RADX: variants seen among roughly 807,000 people sequenced by gnomAD.
RADX encodes RPA1 related single stranded DNA binding protein, X-linked, also known as RPA-related protein RADX.
RADX carries 36 observed loss-of-function variants against 61.6 expected under a neutral mutation model. The ratio of observed to expected loss-of-function variants is 0.58; its 90% CI spans 0.45 to 0.77. The LOEUF (loss-of-function observed/expected upper bound fraction) is 0.77. RADX is among the 30% of genes least tolerant of loss of function. RADX has a pLI of 0.00. For missense variants in RADX, 497 were observed against 651.1 expected (o/e 0.76, Z 2.58); for synonymous variants, 272 against 237.9 (o/e 1.14, Z -1.32).
intron 2 of RADX, among the ~76,000 whole-genome samples, chrX:106,623,984 C>T (rs1004891390): frequency 2.0e-4 from 22 of 111,093 alleles, no homozygotes; most frequent in African/African-American, 6.2e-4. Context: ...TCCATCATTT[C>T]GCCCTTGCTT....
At chrX:106,656,916 T>C (rs1282212713) in intron 11 of RADX, among the ~76,000 whole-genome samples, 1 of 111,827 alleles carries the variant, frequency 8.9e-6, no homozygotes, top group East Asian at 2.8e-4. Flanking sequence ...AGCATTGGTT[T>C]CAACTTAAAG....
chrX:106,679,148 A>T lies in RADX; in HGVS notation c.*890A>T, dbSNP rs748388248. ...GGTTGACATCTGTGTGGTTTGTTAG[A>T]TGAGACAAAATGACCATTAAATGAG... On this transcript the variant is annotated 3_prime_UTR_variant, in exon 14 of 14. Coordinates refer to ENST00000372548, the MANE Select transcript of RADX (RefSeq NM_018015.6). 1.5e-4 allele frequency: 17 copies of T among 112,053 alleles called. No homozygotes were observed. Among genetic ancestry groups the T allele is most frequent in the Non-Finnish European group, 2.6e-4 (14 of 53,221 alleles). The allele number at this position is 112,053 out of a possible 1,213,427, so 9.2% of individuals were successfully genotyped here.
At chrX:106,636,469 T>C (rs1603044279) in intron 6 of RADX, 74 bp from the exon 7 acceptor site, 1 of 559,954 alleles carries the variant, frequency 1.8e-6, no homozygotes, top group East Asian at 3.5e-5. Context: ...TTGAGAAGCA[T>C]TGTGTTAGAT....
At chrX:106,647,278 A>G (rs943521049) in intron 10 of RADX, among the ~76,000 whole-genome samples, 6 of 111,243 alleles carry the variant, frequency 5.4e-5, no homozygotes, top group African/African-American at 2.0e-4. Flanking sequence ...TCCACTTAAC[A>G]CAATGATCTC....
chrX:106,661,745 A>G (rs941229615), intron 11 of RADX, among the ~76,000 whole-genome samples: 1 of 112,042 alleles, frequency 8.9e-6, no homozygotes, highest in African/African-American at 3.2e-5. Flanking sequence ...AGTAGAAAGA[A>G]CGTAATTACA....
At chrX:106,631,855 AAG>A (rs1927241204) in intron 3 of RADX, among the ~76,000 whole-genome samples, 1 of 110,760 alleles carries the variant, frequency 9.0e-6, no homozygotes, top group Non-Finnish European at 1.9e-5. Context: ...AAGAAAGAAA[AAG>A]AGAAAAGAAA....
At chrX:106,653,499 A>T (rs1483723901) in intron 11 of RADX, among the ~76,000 whole-genome samples, 3 of 98,977 alleles carry the variant, frequency 3.0e-5, no homozygotes, top group Non-Finnish European at 6.2e-5. Context: ...GCTTAATGGG[A>T]TTATGTTTTA....
chrX:106,654,899 T>A (rs777550865), intron 11 of RADX, among the ~76,000 whole-genome samples: 32 of 111,771 alleles, frequency 2.9e-4, no homozygotes, highest in African/African-American at 9.4e-4. Flanking sequence ...GATTATTTTT[T>A]AAAACATTCA....
At chrX:106,652,619 A>G (rs955501598) in intron 11 of RADX, among the ~76,000 whole-genome samples, 65 of 109,311 alleles carry the variant, frequency 5.9e-4, no homozygotes, top group African/African-American at 2.1e-3. Flanking sequence ...GGATTTTAAG[A>G]GCAGTTGGTG....
At chrX:106,675,472 G>A (rs965926717) in intron 13 of RADX, among the ~76,000 whole-genome samples, 6 of 112,424 alleles carry the variant, frequency 5.3e-5, no homozygotes, top group African/African-American at 1.9e-4. Flanking sequence ...GGCTTCTAGG[G>A]TCGTCAAGGC....
At chrX:106,614,389 A>G (rs753697091) in intron 1 of RADX, among the ~76,000 whole-genome samples, 14 of 111,904 alleles carry the variant, frequency 1.3e-4, no homozygotes, top group Admixed American at 4.7e-4. Context: ...CATAATTTCT[A>G]TAATCATGCC....
At chrX:106,674,324 T>TA (rs1391243175) in intron 13 of RADX, among the ~76,000 whole-genome samples, 1 of 111,780 alleles carries the variant, frequency 8.9e-6, no homozygotes, top group Non-Finnish European at 1.9e-5. Flanking sequence ...ATTGCTGGAT[T>TA]AAACGGTTAT....
In RADX at chrX:106,674,628, G is replaced by T. The variant is rs370060397; in HGVS notation, c.2438-3500G>T. On this transcript the variant is annotated intron_variant, in intron 13 of 13. Transcript: ENST00000372548. ...TCTTTGGAGAAATATCTACTCAAAT[G>T]CTTTGCCCATTTCTGAATTTGATTT... is the stretch of plus-strand genomic sequence containing the variant. Among the ~76,000 whole-genome samples the T allele has an allele frequency of 2.8e-4, 31 of 111,976 alleles. No homozygotes were observed. In the East Asian group the frequency reaches 7.6e-3, roughly 27 times the overall value.
chrX:106,644,544 C>CT (rs1927610207), intron 10 of RADX, among the ~76,000 whole-genome samples: 1 of 110,683 alleles, frequency 9.0e-6, no homozygotes. Flanking sequence ...GGTTTTGATC[C>CT]TTTTTTCTGT....
At chrX:106,664,217 GTT>G (rs370561264) in intron 12 of RADX, among the ~76,000 whole-genome samples, 9,631 of 99,975 alleles carry the variant, frequency 0.096, 1,147 homozygotes, top group African/African-American at 0.32. Context: ...AGGGAGAAGG[GTT>G]TTTTTTTTTT....
chrX:106,656,684 A>G (rs906877864), intron 11 of RADX, among the ~76,000 whole-genome samples: 2 of 111,945 alleles, frequency 1.8e-5, no homozygotes, highest in Non-Finnish European at 3.8e-5. Context: ...GCTCCTGGTC[A>G]TCAGAGCTCC....
intron 11 of RADX, among the ~76,000 whole-genome samples, chrX:106,658,604 G>T (rs1040649085): frequency 2.5e-4 from 28 of 111,977 alleles, no homozygotes; most frequent in African/African-American, 9.1e-4. Context: ...TATAAATATA[G>T]CATATTAATA....
intron 10 of RADX, 51 bp downstream of exon 10, chrX:106,640,772 A>G (rs969203827): frequency 3.5e-6 from 3 of 856,236 alleles, no homozygotes; most frequent in Non-Finnish European, 4.8e-6. Context: ...CTTTTGGGTT[A>G]TCTCTACCCT....
At chrX:106,618,563 T>C (rs1456393094) in intron 1 of RADX, among the ~76,000 whole-genome samples, 1 of 111,020 alleles carries the variant, frequency 9.0e-6, no homozygotes, top group African/African-American at 3.3e-5. Context: ...TTGCTTGAGT[T>C]CAGAGTCCAT....
Sources: gnomAD v4.1 joint callset for allele counts (sites outside exome capture counted in the v4.1 genomes callset) on GRCh38, gnomAD v4.1.1 for gene constraint, MANE v1.5 for transcripts, NCBI Gene and HGNC (gene_info 2026-07-23, HGNC 2026-07-21) for gene names.